The following RHOU variants were observed in gnomAD, a reference collection of about 807,000 sequenced individuals.
The protein encoded by RHOU is rho-related GTP-binding protein RhoU.
Under a neutral mutation model 12.6 loss-of-function variants are expected in RHOU, and 8 were observed. The ratio of observed to expected loss-of-function variants is 0.64; its 90% CI spans 0.37 to 1.15. The LOEUF is 1.15. RHOU is among the 50% of genes most tolerant of loss of function. RHOU has a pLI of 0.01. For missense variants in RHOU, 258 were observed against 347.0 expected, an observed-to-expected ratio of 0.74 and a Z score of 2.04; for synonymous variants, 161 against 147.4, an observed-to-expected ratio of 1.09 and a Z score of -0.67.
the RHOU span, among the ~76,000 whole-genome samples, chr1:228,707,257 TG>T: frequency 2.5e-5 from 1 of 40,406 alleles, no homozygotes. Flanking sequence ...ATATATATAG[TG>T]TGTGTGTGTG....
At chr1:228,697,138 G>T in the RHOU span, among the ~76,000 whole-genome samples, 1 of 152,108 alleles carries the variant, frequency 6.6e-6, no homozygotes, top group Non-Finnish European at 1.5e-5. Flanking sequence ...CAAATGTTTT[G>T]ACAGCCTTCT....
chr1:228,657,293 A>C, the RHOU span, among the ~76,000 whole-genome samples: 1 of 149,694 alleles, frequency 6.7e-6, no homozygotes, highest in East Asian at 1.9e-4. Context: ...AAAAAAAAAA[A>C]AAAAAAAAAG....
At chr1:228,728,159 C>G in the RHOU span, among the ~76,000 whole-genome samples, 14 of 152,192 alleles carry the variant, frequency 9.2e-5, no homozygotes, top group Non-Finnish European at 2.1e-4. Flanking sequence ...GGGGATTTAA[C>G]AGAGGAAAAT....
chr1:228,687,504 C>T, the RHOU span: 53 of 1,580,724 alleles, frequency 3.4e-5, no homozygotes, highest in South Asian at 2.6e-4. Context: ...GCAGAACCAA[C>T]GAGGTGGCCG....
At chr1:228,721,599 G>T in the RHOU span, among the ~76,000 whole-genome samples, 1 of 152,146 alleles carries the variant, frequency 6.6e-6, no homozygotes, top group Non-Finnish European at 1.5e-5. Flanking sequence ...AAAGAAAACC[G>T]GACTGTTTGG....
chr1:228,697,030 G>C, the RHOU span, among the ~76,000 whole-genome samples: 1 of 152,328 alleles, frequency 6.6e-6, no homozygotes, highest in East Asian at 1.9e-4. Context: ...GCTCCCACCA[G>C]ATCTGACTAG....
the RHOU span, chr1:228,687,818 T>C: frequency 7.9e-7 from 1 of 1,266,198 alleles, no homozygotes; most frequent in Non-Finnish European, 1.1e-6. Flanking sequence ...ACAGTGATAA[T>C]GAAAGCTAAG....
chr1:228,719,621 T>C, the RHOU span, among the ~76,000 whole-genome samples: 1 of 152,118 alleles, frequency 6.6e-6, no homozygotes, highest in Non-Finnish European at 1.5e-5. Context: ...TCCCAGCTAC[T>C]TGGGAGGCTA....
the RHOU span, among the ~76,000 whole-genome samples, chr1:228,670,904 T>C: frequency 6.6e-6 from 1 of 152,220 alleles, no homozygotes; most frequent in Non-Finnish European, 1.5e-5. Context: ...TCTGCCATGA[T>C]TGTAAGTTTC....
At chr1:228,693,612 A>G in the RHOU span, among the ~76,000 whole-genome samples, 6 of 152,218 alleles carry the variant, frequency 3.9e-5, no homozygotes, top group East Asian at 7.7e-4. Flanking sequence ...GACTACAGGC[A>G]CGCGCCACCA....
chr1:228,712,817 A>C, the RHOU span, among the ~76,000 whole-genome samples: 1 of 131,798 alleles, frequency 7.6e-6, no homozygotes. Flanking sequence ...TAATAATAAT[A>C]AATAAATAAA....
At chr1:228,651,886 G>A in the RHOU span, among the ~76,000 whole-genome samples, 1 of 152,186 alleles carries the variant, frequency 6.6e-6, no homozygotes, top group Non-Finnish European at 1.5e-5. Context: ...AGGGTTTGTG[G>A]AGACATGATA....
intron 2 of RHOU, among the ~76,000 whole-genome samples, chr1:228,742,791 T>C (rs1273084377): frequency 6.6e-6 from 1 of 152,152 alleles, no homozygotes; most frequent in Non-Finnish European, 1.5e-5. Flanking sequence ...CACTCAGAGC[T>C]GTTGGGAAAG....
the RHOU span, among the ~76,000 whole-genome samples, chr1:228,681,983 ACACCAATGGGGTGTGGGTGAATAATCAAG>A: frequency 1.3e-5 from 2 of 152,184 alleles, no homozygotes; most frequent in East Asian, 3.9e-4. Flanking sequence ...TGGTGATCAG[ACACCAATGGGGTGTGGGTGAATAATCAAG>A]CAGGCACACC....
At chr1:228,741,854 A>G (rs1662725699) in intron 2 of RHOU, among the ~76,000 whole-genome samples, 1 of 152,218 alleles carries the variant, frequency 6.6e-6, no homozygotes, top group Admixed American at 6.5e-5. Context: ...CACAAGTGAC[A>G]TTCTGAAATA....
At position 228,743,200 on chromosome 1, in the gene RHOU, C is replaced by A; in HGVS notation, c.322-85C>A. On this transcript the variant is annotated intron_variant, in intron 2 of 2. Transcript: ENST00000366691. The surrounding 1 kb of genome is among the most constrained non-coding windows in gnomAD (Gnocchi z 5.1). ...AGCGGGTCTTCTATCACCTGCCAGA[C>A]CCTTTCATGAAAAATGTGAAGGTGA... is the stretch of plus-strand genomic sequence containing the variant. 2 of 1,237,060 alleles carry A rather than the reference C, an allele frequency of 1.6e-6. No individual in the cohort carries two copies. The highest frequency in any genetic ancestry group is 2.3e-6 in the Non-Finnish European group (2 of 855,642). The allele number at this position is 1,237,060 out of a possible 1,614,324, so 76.6% of individuals were successfully genotyped here.
At chr1:228,676,271 C>T in the RHOU span, among the ~76,000 whole-genome samples, 1 of 152,248 alleles carries the variant, frequency 6.6e-6, no homozygotes, top group Admixed American at 6.5e-5. Flanking sequence ...GTGCCTGAAC[C>T]TTACTCTTAT....
intron 2 of RHOU, among the ~76,000 whole-genome samples, chr1:228,739,505 G>A (rs1440642724): frequency 6.6e-6 from 1 of 152,228 alleles, no homozygotes; most frequent in African/African-American, 2.4e-5. Context: ...GGAGGTTGCA[G>A]TGGGCTGAGA....
chr1:228,687,960 G>A, the RHOU span: 3 of 661,308 alleles, frequency 4.5e-6, no homozygotes, highest in African/African-American at 3.6e-5. Flanking sequence ...CCTTCCTTCT[G>A]TCCTTCCTCC....
Sources: gnomAD v4.1 joint callset for allele counts (sites outside exome capture counted in the v4.1 genomes callset) on GRCh38, gnomAD v4.1.1 for gene constraint, Gnocchi (gnomAD v3.1) non-coding constraint, MANE v1.5 for transcripts, NCBI Gene and HGNC (gene_info 2026-07-23, HGNC 2026-07-21) for gene names.